RGS8: variants seen among roughly 807,000 people sequenced by gnomAD.
RGS8 encodes the protein regulator of G protein signaling 8, also known as regulator of G-protein signaling 8.
In RGS8, 8 loss-of-function variants were observed where a neutral mutation model predicts 21.7. That is an observed-to-expected ratio of 0.37 (90% CI 0.22 to 0.66). RGS8 has a LOEUF of 0.66. RGS8 is among the 30% of genes least tolerant of loss of function. The probability of loss-of-function intolerance (pLI) is 0.59; values close to 1 mark genes in which losing one functional copy is unlikely to be tolerated. For synonymous variants in RGS8, 80 were observed against 83.6 expected (o/e 0.96, Z 0.24); for missense variants, 157 against 217.9 (o/e 0.72, Z 1.76).
rs545214594 is a variant in RGS8, at chr1:182,678,638, T to C, written n.222-5706A>G. ...TTCCCACTGCTGAGCTGCCCATCTA[T>C]ACAGGCAGAATTCAGGGCCATATGT... On this transcript the variant is annotated intron_variant and non_coding_transcript_variant, in intron 1 of 4. Coordinates refer to the RGS8 transcript ENST00000515211. 7.2e-5 allele frequency among the ~76,000 whole-genome samples: 11 copies of C among 152,326 alleles called. No homozygotes were observed. The South Asian group carries it at 2.3e-3, about 32-fold the overall frequency.
the RGS8 span, among the ~76,000 whole-genome samples, chr1:182,705,157 A>G: frequency 6.6e-6 from 1 of 152,216 alleles, no homozygotes; most frequent in Non-Finnish European, 1.5e-5. Flanking sequence ...TTACGTGATT[A>G]TGAAGGCTGA....
the RGS8 span, among the ~76,000 whole-genome samples, chr1:182,698,582 G>C: frequency 1.3e-5 from 2 of 152,114 alleles, no homozygotes; most frequent in Admixed American, 6.5e-5. Context: ...TAAAGTCCTA[G>C]AAGCAACCTT....
chr1:182,655,417 T>C (rs891826709), intron 5 of RGS8, among the ~76,000 whole-genome samples: 3 of 152,130 alleles, frequency 2.0e-5, no homozygotes, highest in Non-Finnish European at 2.9e-5. Flanking sequence ...TATGTCAACA[T>C]AGAAACAGGG....
chr1:182,711,947 C>T, the RGS8 span, among the ~76,000 whole-genome samples: 1 of 152,180 alleles, frequency 6.6e-6, no homozygotes, highest in African/African-American at 2.4e-5. Flanking sequence ...TTGCATAGCT[C>T]TGTCCTGTTT....
the RGS8 span, among the ~76,000 whole-genome samples, chr1:182,708,105 C>T: frequency 4.4e-3 from 676 of 152,288 alleles, 6 homozygotes; most frequent in African/African-American, 0.016. Flanking sequence ...TAATAGGCCA[C>T]AGTCACAGGG....
At chr1:182,727,077 T>C in the RGS8 span, among the ~76,000 whole-genome samples, 2 of 152,202 alleles carry the variant, frequency 1.3e-5, no homozygotes, top group African/African-American at 4.8e-5. Flanking sequence ...ATAAGAACTT[T>C]TAGTGGTTGC....
chr1:182,727,186 G>C, the RGS8 span, among the ~76,000 whole-genome samples: 1 of 152,116 alleles, frequency 6.6e-6, no homozygotes, highest in Non-Finnish European at 1.5e-5. Flanking sequence ...CAGACCACCT[G>C]GCTTCAAATC....
chr1:182,647,785 A>G (rs1174952187), intron 6 of RGS8, among the ~76,000 whole-genome samples: 1 of 152,216 alleles, frequency 6.6e-6, no homozygotes, highest in African/African-American at 2.4e-5. Flanking sequence ...GCTAAAATTG[A>G]AACAAGATTT....
chr1:182,657,506 C>A (rs1452700790), intron 5 of RGS8, among the ~76,000 whole-genome samples: 2 of 152,152 alleles, frequency 1.3e-5, no homozygotes, highest in Non-Finnish European at 1.5e-5. Flanking sequence ...CACCCCAGAC[C>A]CTGCTCCCTC....
chr1:182,643,309 T>TCCCCCCCCCCCCCCCCCCCC, downstream of RGS8: 1 of 56,154 alleles, frequency 1.8e-5, no homozygotes, highest in African/African-American at 9.0e-5. Context: ...CAGCTGTGTC[T>TCCCCCCCCCCCCCCCCCCCC]CCCCCCTCCC....
chr1:182,646,515 C>T (rs910008587), exon 7 of RGS8: 5 of 523,470 alleles, frequency 9.6e-6, no homozygotes, highest in African/African-American at 5.7e-5. Context: ...AGCGGCAAGG[C>T]GCTACCACTA....
chr1:182,694,881 A>G, the RGS8 span, among the ~76,000 whole-genome samples: 3 of 152,194 alleles, frequency 2.0e-5, no homozygotes, highest in Non-Finnish European at 4.4e-5. Context: ...TCAGAAAAGT[A>G]TGAAACACAT....
the RGS8 span, among the ~76,000 whole-genome samples, chr1:182,750,610 CAGAT>C: frequency 1.3e-5 from 2 of 152,164 alleles, no homozygotes; most frequent in African/African-American, 4.8e-5. Flanking sequence ...TAACTGCAAA[CAGAT>C]AGCCACCAAA....
chr1:182,728,661 C>A, the RGS8 span, among the ~76,000 whole-genome samples: 2 of 151,890 alleles, frequency 1.3e-5, no homozygotes, highest in African/African-American at 2.4e-5. Flanking sequence ...AAAGATTCAA[C>A]AAAGAAAATC....
the RGS8 span, among the ~76,000 whole-genome samples, chr1:182,741,571 G>A: frequency 1.6e-5 from 2 of 122,150 alleles, no homozygotes; most frequent in Non-Finnish European, 3.6e-5. Flanking sequence ...CAGTAGGGGC[G>A]GCCGGGCAGA....
At chr1:182,699,004 G>A in the RGS8 span, among the ~76,000 whole-genome samples, 1 of 152,110 alleles carries the variant, frequency 6.6e-6, no homozygotes, top group African/African-American at 2.4e-5. Context: ...AGCCCAGAGA[G>A]GCATAAAGCT....
In RGS8 at chr1:182,664,996, T is replaced by C. The variant is rs546602820; in HGVS notation, c.193+973A>G. Among the ~76,000 whole-genome samples the C allele has an allele frequency of 5.3e-5, 8 of 152,310 alleles. No homozygotes were observed. The East Asian group carries it at 1.5e-3, about 29-fold the overall frequency. On this transcript the variant is annotated intron_variant, in intron 5 of 6. Coordinates refer to ENST00000483095, the Ensembl canonical transcript of RGS8. ...ACTTAGTAACAACGCTGAGTCAAAA[T>C]CAAGAACGCAGGTCTGACTCCCACC...
the RGS8 span, among the ~76,000 whole-genome samples, chr1:182,741,484 T>C: frequency 7.8e-6 from 1 of 127,554 alleles, no homozygotes; most frequent in African/African-American, 3.0e-5. Context: ...ACCGGGCGGC[T>C]GGCCGGGCGG....
chr1:182,667,361 A>G (rs1258923342), intron 3 of RGS8, among the ~76,000 whole-genome samples: 2 of 152,222 alleles, frequency 1.3e-5, no homozygotes, highest in African/African-American at 4.8e-5. Context: ...GCAGCTCCTG[A>G]TTGCAAAGAC....
Sources: gnomAD v4.1 joint callset for allele counts (sites outside exome capture counted in the v4.1 genomes callset) on GRCh38, gnomAD v4.1.1 for gene constraint, MANE v1.5 for transcripts, NCBI Gene and HGNC (gene_info 2026-07-23, HGNC 2026-07-21) for gene names.